FAM163A: variants seen among roughly 807,000 people sequenced by gnomAD.
The protein encoded by FAM163A is protein FAM163A.
In FAM163A, 7 loss-of-function variants were observed where a neutral mutation model predicts 12.0. The observed-to-expected ratio is 0.58, with a 90% CI of 0.33 to 1.10. The LOEUF (loss-of-function observed/expected upper bound fraction) is 1.10. Ranked by LOEUF, FAM163A falls within the 50% of genes least tolerant of loss-of-function variation. The pLI, the probability that FAM163A is intolerant of heterozygous loss-of-function variation, is 0.03. For missense variants in FAM163A, 202 were observed against 218.6 expected (o/e 0.92, Z 0.48); for synonymous variants, 101 against 91.0 (o/e 1.11, Z -0.62).
At position 179,813,089 on chromosome 1, in the gene FAM163A, G is replaced by A. The variant is rs184499634; in HGVS notation, c.-9G>A. ...ACATCTTTGCAGAGTTTGATGGGGC[G>A]CCGGGCGGATGACAGCGGGAACGGT... On this transcript the variant is annotated 5_prime_UTR_variant, in exon 4 of 5. Transcript: ENST00000341785. 3.6e-3 allele frequency: 5,610 copies of A among 1,551,608 alleles called. 334 individuals are homozygous for A. The Admixed American group carries it at 0.1, about 29-fold the overall frequency.
intron 2 of FAM163A, among the ~76,000 whole-genome samples, chr1:179,808,547 C>G (rs1479404507): frequency 6.6e-6 from 1 of 152,226 alleles, no homozygotes; most frequent in Non-Finnish European, 1.5e-5. Flanking sequence ...CCAGAGGCCA[C>G]CCTAGGTTTC....
intron 1 of FAM163A, among the ~76,000 whole-genome samples, chr1:179,754,139 T>C (rs779584896): frequency 1.3e-5 from 2 of 152,172 alleles, no homozygotes; most frequent in South Asian, 2.1e-4. Flanking sequence ...TCTTTTTTTT[T>C]CTAAGCACTT....
chr1:179,747,580 T>C (rs1029065443), intron 1 of FAM163A, among the ~76,000 whole-genome samples: 4 of 152,202 alleles, frequency 2.6e-5, no homozygotes, highest in Admixed American at 6.5e-5. Context: ...CACTATTTCA[T>C]TGAATCTCTT....
At chr1:179,785,407 A>G (rs1392062780) in intron 1 of FAM163A, among the ~76,000 whole-genome samples, 1 of 152,194 alleles carries the variant, frequency 6.6e-6, no homozygotes, top group Non-Finnish European at 1.5e-5. Context: ...AAAATGAGAG[A>G]ACATGAAGAC....
chr1:179,775,473 C>A (rs1370196963), intron 1 of FAM163A, among the ~76,000 whole-genome samples: 3 of 152,224 alleles, frequency 2.0e-5, no homozygotes, highest in Non-Finnish European at 4.4e-5. Context: ...GTTTTCCTTT[C>A]AATTTAGTTC....
the FAM163A span, among the ~76,000 whole-genome samples, chr1:179,733,513 T>C: frequency 6.6e-6 from 1 of 152,094 alleles, no homozygotes; most frequent in African/African-American, 2.4e-5. Context: ...AAGATAAAAT[T>C]AAGACCCTCA....
chr1:179,789,187 T>A (rs181486408), intron 1 of FAM163A, among the ~76,000 whole-genome samples: 1 of 152,154 alleles, frequency 6.6e-6, no homozygotes, highest in Non-Finnish European at 1.5e-5. Context: ...GACTAGATTT[T>A]TTTTTCTTTT....
intron 1 of FAM163A, among the ~76,000 whole-genome samples, chr1:179,791,010 G>A (rs1273527419): frequency 6.6e-6 from 1 of 152,162 alleles, no homozygotes; most frequent in Non-Finnish European, 1.5e-5. Flanking sequence ...TCCAGCAATA[G>A]TCCCTTTTAG....
intron 1 of FAM163A, among the ~76,000 whole-genome samples, chr1:179,773,734 T>G (rs1014866892): frequency 1.3e-5 from 2 of 152,180 alleles, no homozygotes; most frequent in African/African-American, 4.8e-5. Flanking sequence ...CTGTCTGCAT[T>G]AAAGCATCGG....
intron 1 of FAM163A, among the ~76,000 whole-genome samples, chr1:179,779,753 A>G (rs957235073): frequency 2.0e-5 from 3 of 152,226 alleles, no homozygotes; most frequent in Non-Finnish European, 4.4e-5. Flanking sequence ...CAGGGCATTC[A>G]TAAAGATCAG....
chr1:179,756,556 A>C (rs966455482), intron 1 of FAM163A, among the ~76,000 whole-genome samples: 1 of 152,176 alleles, frequency 6.6e-6, no homozygotes, highest in African/African-American at 2.4e-5. Context: ...GTTTTAGACC[A>C]TTTGATTTGG....
At chr1:179,737,237 G>C in the FAM163A span, among the ~76,000 whole-genome samples, 1 of 152,198 alleles carries the variant, frequency 6.6e-6, no homozygotes, top group South Asian at 2.1e-4. Context: ...ATGATGCTAA[G>C]TGAAAATAAG....
intron 1 of FAM163A, among the ~76,000 whole-genome samples, chr1:179,767,874 A>T (rs1327592393): frequency 6.6e-6 from 1 of 152,176 alleles, no homozygotes; most frequent in African/African-American, 2.4e-5. Context: ...CACAACAATT[A>T]ATTTCCCCTC....
intron 1 of FAM163A, chr1:179,803,899 A>C (rs1693551132): frequency 6.7e-6 from 1 of 150,284 alleles, no homozygotes; most frequent in Admixed American, 6.6e-5. Context: ...TATTGGCTCC[A>C]TCCCCACCCA....
In FAM163A at chr1:179,813,725, A is replaced by G. The variant is rs116039137; in HGVS notation, c.94-54A>G. 7.2e-3 allele frequency: 11,561 copies of G among 1,601,200 alleles called. 104 individuals carry two copies. The highest frequency in any genetic ancestry group is 0.037 in the African/African-American group (2,803 of 74,766). ...GGCACCTGTGCACGCTCAAAAATGC[A>G]TGGGGCGGGGGGAGCATTCACCCTC... is the stretch of plus-strand genomic sequence containing the variant. On this transcript the variant is annotated intron_variant, in intron 4 of 4. Transcript: ENST00000341785.
intron 1 of FAM163A, among the ~76,000 whole-genome samples, chr1:179,745,896 TG>T (rs1684400564): frequency 6.6e-6 from 1 of 152,138 alleles, no homozygotes; most frequent in Non-Finnish European, 1.5e-5. Context: ...GACACACATG[TG>T]GTAGCTGGAA....
rs79791698 is a variant in FAM163A at position 179,761,312 on chromosome 1, A to G, written c.-136+17889A>G. 1.7e-3 allele frequency among the ~76,000 whole-genome samples: 266 copies of G among 152,344 alleles called. 3 individuals carry two copies. Among genetic ancestry groups the G allele is most frequent in the East Asian group, 0.017 (88 of 5,194 alleles). On this transcript the variant is annotated intron_variant, in intron 1 of 4. Coordinates refer to ENST00000341785, the MANE Select transcript of FAM163A (RefSeq NM_173509.3). The stretch of plus-strand genomic sequence containing the variant: ...CACAAGTATTACTTTTATGATAAGA[A>G]GCAAACAACAAACAAAGCTGCTCTA...
intron 1 of FAM163A, among the ~76,000 whole-genome samples, chr1:179,767,098 A>G (rs1251658122): frequency 6.6e-6 from 1 of 152,018 alleles, no homozygotes; most frequent in African/African-American, 2.4e-5. Flanking sequence ...CCTCCCTGCC[A>G]TCGTTCTCCC....
intron 1 of FAM163A, among the ~76,000 whole-genome samples, chr1:179,783,052 C>T (rs1690017941): frequency 6.6e-6 from 1 of 151,946 alleles, no homozygotes; most frequent in Non-Finnish European, 1.5e-5. Flanking sequence ...ATTGCTTGAA[C>T]CCAGAGATAG....
Sources: allele counts gnomAD v4.1 joint callset (sites outside exome capture counted in the v4.1 genomes callset), GRCh38; gene constraint gnomAD v4.1.1; transcripts MANE v1.5; gene names NCBI Gene and HGNC (gene_info 2026-07-23, HGNC 2026-07-21).